The following SP140 variants were observed in gnomAD, a reference collection of about 807,000 sequenced individuals.
SP140 encodes SP140 nuclear body protein.
SP140 carries 81 observed loss-of-function variants against 125.0 expected under a neutral mutation model. That is an observed-to-expected ratio of 0.65 (90% CI 0.54 to 0.78). The LOEUF is 0.78. SP140 is among the 30% of genes least tolerant of loss of function. The pLI is 0.00. For missense variants in SP140, 858 were observed against 1,037.0 expected, an observed-to-expected ratio of 0.83 and a Z score of 2.37; for synonymous variants, 312 against 354.0, an observed-to-expected ratio of 0.88 and a Z score of 1.33.
intron 12 of SP140, among the ~76,000 whole-genome samples, chr2:230,266,285 G>A (rs568390149): frequency 6.6e-6 from 1 of 152,228 alleles, no homozygotes; most frequent in Non-Finnish European, 1.5e-5. Context: ...TACAAACTTG[G>A]AGTTTTTCCT....
intron 21 of SP140, among the ~76,000 whole-genome samples, chr2:230,294,695 T>A (rs3769846): frequency 0.089 from 13,557 of 152,270 alleles, 807 homozygotes; most frequent in East Asian, 0.12. Flanking sequence ...AACTCAAAAT[T>A]CAGATTTTTT....
Position 230,248,054 on chromosome 2 carries a change from G to C in SP140, c.881G>C (p.Gly294Ala). The change falls in exon 8 of 27, where the codon GGA becomes GCA. Residue 294 changes from glycine to alanine, a missense_variant. Around this residue, in one of 4 missense-constraint regions of SP140, gnomAD observed 791 missense variants for 869.5 expected, o/e 0.91. Transcript: ENST00000392045. ...DKEKYQESPEGRDKETFDLKT... is the reference protein window; with the variant it reads ...DKEKYQESPEARDKETFDLKT... ...GAGAAGTACCAAGAGAGTCCAGAGG[G>C]AAGAGACAAAGGTAGGAACAGAAGA... 1 of 1,613,366 alleles carries C rather than the reference G, an allele frequency of 6.2e-7. No individual in the cohort carries two copies. Among genetic ancestry groups the C allele is most frequent in the African/African-American group, 1.3e-5 (1 of 74,986 alleles).
chr2:230,190,075 G>T, the SP140 span, among the ~76,000 whole-genome samples: 15 of 152,122 alleles, frequency 9.9e-5, no homozygotes, highest in African/African-American at 3.1e-4. Flanking sequence ...ACCCAGTAAT[G>T]GGATTGCTGT....
rs2059165668 is a variant in SP140, at chr2:230,309,849, G to A, written c.2059-75G>A. ...ATGCAGGTTCACACAAAGGCAGTGT[G>A]TTCTAGTTGCCCAGAGGGTTGGCCT... is the stretch of plus-strand genomic sequence containing the variant. On this transcript the variant is annotated intron_variant, in intron 22 of 26. Coordinates refer to ENST00000392045, the MANE Select transcript of SP140 (RefSeq NM_007237.5). 4 of 1,491,008 alleles carry A rather than the reference G, an allele frequency of 2.7e-6. 1 individual carries two copies. In the South Asian group the frequency reaches 4.6e-5, roughly 17 times the overall value. The allele number at this position is 1,491,008 out of a possible 1,614,324, so 92.4% of individuals were successfully genotyped here.
intron 22 of SP140, among the ~76,000 whole-genome samples, chr2:230,307,547 C>G (rs2058876686): frequency 6.6e-6 from 1 of 152,242 alleles, no homozygotes; most frequent in South Asian, 2.1e-4. Flanking sequence ...CTGTTGCCAG[C>G]CATGGAAGCT....
chr2:230,241,940 G>T (rs969578406), intron 4 of SP140, among the ~76,000 whole-genome samples: 1 of 152,202 alleles, frequency 6.6e-6, no homozygotes, highest in East Asian at 1.9e-4. Context: ...GGGGTCTCTA[G>T]TACTGTGGTC....
At chr2:230,306,057 G>A (rs2058730775) in intron 22 of SP140, among the ~76,000 whole-genome samples, 1 of 152,178 alleles carries the variant, frequency 6.6e-6, no homozygotes, top group African/African-American at 2.4e-5. Flanking sequence ...GGCAAGGGCT[G>A]GAGCCACCAA....
At chr2:230,305,141 G>A (rs927700971) in intron 22 of SP140, among the ~76,000 whole-genome samples, 9 of 152,052 alleles carry the variant, frequency 5.9e-5, no homozygotes, top group Admixed American at 1.3e-4. Flanking sequence ...AATGGCCAAC[G>A]AACATGAAAA....
At chr2:230,249,455 C>T (rs1028761269) in intron 9 of SP140, among the ~76,000 whole-genome samples, 2 of 151,950 alleles carry the variant, frequency 1.3e-5, no homozygotes, top group South Asian at 2.1e-4. Flanking sequence ...ATAGCCCCTG[C>T]GTGAACAGAA....
intron 22 of SP140, among the ~76,000 whole-genome samples, chr2:230,305,195 C>T (rs1054813417): frequency 4.6e-5 from 7 of 152,174 alleles, no homozygotes; most frequent in African/African-American, 7.2e-5. Flanking sequence ...AAATCAAAAC[C>T]GCAATGCGAT....
At chr2:230,240,138 C>T (rs1204983034) in intron 3 of SP140, among the ~76,000 whole-genome samples, 1 of 152,166 alleles carries the variant, frequency 6.6e-6, no homozygotes, top group Admixed American at 6.5e-5. Flanking sequence ...TCTACTTATA[C>T]TACACAACAT....
chr2:230,247,842 C>T, intron 7 of SP140, 74 bp from the exon 8 acceptor site: 3 of 1,475,834 alleles, frequency 2.0e-6, no homozygotes, highest in Non-Finnish European at 2.8e-6. Context: ...CTACAATCTC[C>T]ATCATGCTCA....
At chr2:230,228,170 C>T (rs1214082352) in intron 1 of SP140, among the ~76,000 whole-genome samples, 1 of 152,050 alleles carries the variant, frequency 6.6e-6, no homozygotes, top group South Asian at 2.1e-4. Flanking sequence ...GACCCTAGAA[C>T]TCTTTTGGTT....
At chr2:230,239,790 G>C (rs1041687818) in intron 3 of SP140, among the ~76,000 whole-genome samples, 10 of 152,220 alleles carry the variant, frequency 6.6e-5, no homozygotes, top group African/African-American at 2.4e-4. Flanking sequence ...TTAATCTGAG[G>C]GTGGGTGAAT....
intron 21 of SP140, among the ~76,000 whole-genome samples, chr2:230,295,406 C>A (rs2057598378): frequency 6.6e-6 from 1 of 152,198 alleles, no homozygotes; most frequent in Admixed American, 6.5e-5. Context: ...GTCACCTATT[C>A]AGTGACTACA....
At chr2:230,276,080 T>G (rs962781992) in intron 15 of SP140, among the ~76,000 whole-genome samples, 1 of 152,160 alleles carries the variant, frequency 6.6e-6, no homozygotes, top group South Asian at 2.1e-4. Flanking sequence ...AATGCTGATG[T>G]AAAAGCTGCA....
intron 17 of SP140, among the ~76,000 whole-genome samples, chr2:230,286,491 G>A (rs190729555): frequency 6.2e-4 from 94 of 152,316 alleles, no homozygotes; most frequent in African/African-American, 2.2e-3. Context: ...GTGTGGAAGT[G>A]TCTTGCCTGA....
At chr2:230,315,397 T>C (rs1425111352), downstream of SP140, among the ~76,000 whole-genome samples, 2 of 152,006 alleles carry the variant, frequency 1.3e-5, no homozygotes, top group African/African-American at 4.8e-5. Flanking sequence ...AATGTCAGAG[T>C]TGATGCTAAT....
chr2:230,199,148 AT>A (rs113583785), upstream of SP140, among the ~76,000 whole-genome samples: 1,209 of 139,044 alleles, frequency 8.7e-3, 11 homozygotes, highest in African/African-American at 0.028. Context: ...TATTATTATT[AT>A]TTTTTTTTTT....
Sources: allele counts gnomAD v4.1 joint callset (sites outside exome capture counted in the v4.1 genomes callset), GRCh38; gene constraint gnomAD v4.1.1; regional missense constraint gnomAD v4.1.1; transcripts MANE v1.5; gene names NCBI Gene and HGNC (gene_info 2026-07-23, HGNC 2026-07-21).